Variants in KCNB2 observed in about 807,000 individuals in gnomAD.
KCNB2 encodes delayed rectifier potassium channel protein.
KCNB2 carries 15 observed loss-of-function variants against 61.5 expected under a neutral mutation model. The observed-to-expected ratio is 0.24, with a 90% CI of 0.16 to 0.38. The LOEUF (loss-of-function observed/expected upper bound fraction) is 0.38, where lower values mean the gene tolerates loss of function less well. Among genes scored for constraint, KCNB2 ranks in the 10% least tolerant of loss-of-function variants. The probability of loss-of-function intolerance (pLI) is 1.00; values close to 1 mark genes in which losing one functional copy is unlikely to be tolerated. For missense variants in KCNB2, 828 were observed against 1,125.2 expected (o/e 0.74, Z 3.78); for synonymous variants, 457 against 446.0 (o/e 1.02, Z -0.31).
At chr8:72,830,757 G>A (rs1809680694) in intron 2 of KCNB2, among the ~76,000 whole-genome samples, 1 of 152,134 alleles carries the variant, frequency 6.6e-6, no homozygotes, top group African/African-American at 2.4e-5. Context: ...CTGGTCTCTT[G>A]GTTTTGAATG....
At chr8:72,904,592 T>C (rs939381703) in intron 2 of KCNB2, among the ~76,000 whole-genome samples, 2 of 152,148 alleles carry the variant, frequency 1.3e-5, no homozygotes, top group Admixed American at 1.3e-4. Context: ...AAGAAAGATA[T>C]ATACAAATTA....
intron 2 of KCNB2, among the ~76,000 whole-genome samples, chr8:72,674,631 A>C (rs1419583825): frequency 6.6e-6 from 1 of 152,262 alleles, no homozygotes; most frequent in Non-Finnish European, 1.5e-5. Flanking sequence ...TTATATGCTT[A>C]AATCACTAGC....
At chr8:72,657,871 G>A (rs572237785) in intron 2 of KCNB2, among the ~76,000 whole-genome samples, 1 of 152,112 alleles carries the variant, frequency 6.6e-6, no homozygotes, top group South Asian at 2.1e-4. Context: ...ATAATTTTGG[G>A]GGTGACACAA....
chr8:72,934,113 C>G (rs930344261), intron 2 of KCNB2, among the ~76,000 whole-genome samples: 4 of 151,904 alleles, frequency 2.6e-5, no homozygotes, highest in African/African-American at 9.7e-5. Flanking sequence ...TATAAAGGGG[C>G]CAGGCACAGT....
In KCNB2 at chr8:72,937,734, G is replaced by C. The variant is rs1335448159; in HGVS notation, c.2379G>C (p.Leu793=). 7 of 1,613,868 alleles carry C rather than the reference G, an allele frequency of 4.3e-6. No individual in the cohort carries two copies. Among genetic ancestry groups the C allele is most frequent in the African/African-American group, 1.3e-5 (1 of 74,900 alleles). ...CCCCCAGGTTTCCCAAGCAGAAACT[G>C]TTCCCTTTCTCTTCAAGAGAGAGGA... ...GLSPRFPKQK[L]FPFSSRERRS... The change falls in exon 3 of 3, where the codon CTG becomes CTC. Residue 793 remains leucine, a synonymous_variant. Transcript: ENST00000523207.
At chr8:72,543,977 A>G (rs149516212) in intron 1 of KCNB2, among the ~76,000 whole-genome samples, 1,882 of 152,310 alleles carry the variant, frequency 0.012, 29 homozygotes, top group African/African-American at 0.042. Flanking sequence ...ATAGCAACAA[A>G]ATCAAACTAT....
intron 1 of KCNB2, among the ~76,000 whole-genome samples, chr8:72,561,419 A>T (rs1265317783): frequency 6.6e-6 from 1 of 151,526 alleles, no homozygotes; most frequent in Non-Finnish European, 1.5e-5. Flanking sequence ...CCTCCCAAAA[A>T]AGTTCTATTT....
intron 2 of KCNB2, among the ~76,000 whole-genome samples, chr8:72,688,765 T>A (rs1806895450): frequency 6.6e-6 from 1 of 152,204 alleles, no homozygotes; most frequent in Non-Finnish European, 1.5e-5. Flanking sequence ...CTCACTCTGT[T>A]ACCCAGGCTA....
At chr8:72,633,828 G>A (rs1053163732) in intron 2 of KCNB2, among the ~76,000 whole-genome samples, 2 of 152,112 alleles carry the variant, frequency 1.3e-5, no homozygotes, top group African/African-American at 4.8e-5. Context: ...GAAAACCACT[G>A]CATACATCAA....
chr8:72,841,452 T>C (rs796972607), intron 2 of KCNB2, among the ~76,000 whole-genome samples: 47 of 150,966 alleles, frequency 3.1e-4, no homozygotes, highest in African/African-American at 1.1e-3. Context: ...TAAAGCAGTT[T>C]TTTCCAATTC....
intron 2 of KCNB2, among the ~76,000 whole-genome samples, chr8:72,834,210 C>A (rs1385362515): frequency 4.6e-5 from 7 of 152,076 alleles, no homozygotes; most frequent in African/African-American, 9.7e-5. Context: ...TCCTTAACTT[C>A]CTCCCTCTAT....
intron 2 of KCNB2, among the ~76,000 whole-genome samples, chr8:72,765,471 G>A (rs1808446095): frequency 6.6e-6 from 1 of 152,184 alleles, no homozygotes. Flanking sequence ...CACAGTGAGT[G>A]TAGTCATATC....
chr8:72,728,959 A>ATCTTGTTT (rs1807695425), intron 2 of KCNB2, among the ~76,000 whole-genome samples: 1 of 152,240 alleles, frequency 6.6e-6, no homozygotes, highest in Non-Finnish European at 1.5e-5. Context: ...TACAACGTTA[A>ATCTTGTTT]AGACTGGGTT....
intron 2 of KCNB2, among the ~76,000 whole-genome samples, chr8:72,685,356 G>A (rs1172770978): frequency 6.6e-6 from 1 of 152,048 alleles, no homozygotes; most frequent in African/African-American, 2.4e-5. Context: ...AAGGACTTGG[G>A]CAGTGTTAAT....
At chr8:72,882,976 C>G (rs1805742796) in intron 2 of KCNB2, among the ~76,000 whole-genome samples, 1 of 152,164 alleles carries the variant, frequency 6.6e-6, no homozygotes, top group Non-Finnish European at 1.5e-5. Context: ...CTGCCTTCTC[C>G]AGGCCCTTTC....
intron 2 of KCNB2, among the ~76,000 whole-genome samples, chr8:72,745,209 A>C (rs1489985770): frequency 6.6e-6 from 1 of 152,222 alleles, no homozygotes; most frequent in East Asian, 1.9e-4. Context: ...AATCTGCAAT[A>C]AGGAGTTTTT....
chr8:72,712,437 A>G (rs1175549729), intron 2 of KCNB2, among the ~76,000 whole-genome samples: 1 of 152,178 alleles, frequency 6.6e-6, no homozygotes, highest in African/African-American at 2.4e-5. Context: ...CAGAAGGCCA[A>G]ACTCCTCTAT....
chr8:72,904,415 G>C (rs1361854044), intron 2 of KCNB2, among the ~76,000 whole-genome samples: 2 of 152,032 alleles, frequency 1.3e-5, no homozygotes, highest in East Asian at 3.9e-4. Flanking sequence ...TGGGTGCTGG[G>C]ACTAATACCT....
chr8:72,561,721 A>G (rs79848310), intron 1 of KCNB2, among the ~76,000 whole-genome samples: 244 of 23,606 alleles, frequency 0.01, 28 homozygotes, highest in East Asian at 0.066. Flanking sequence ...ATATATATAT[A>G]TATATATCTA....
Sources: gnomAD v4.1 joint callset for allele counts (sites outside exome capture counted in the v4.1 genomes callset) on GRCh38, gnomAD v4.1.1 for gene constraint, MANE v1.5 for transcripts, NCBI Gene and HGNC (gene_info 2026-07-23, HGNC 2026-07-21) for gene names.